KAZN: variants seen among roughly 807,000 people sequenced by gnomAD.
The protein encoded by KAZN is kazrin.
In KAZN, 40 loss-of-function variants were observed where a neutral mutation model predicts 87.4. The ratio of observed to expected loss-of-function variants is 0.46; its 90% CI spans 0.36 to 0.60. The LOEUF (loss-of-function observed/expected upper bound fraction) is 0.60, where lower values mean the gene tolerates loss of function less well. KAZN is among the 20% of genes least tolerant of loss of function. The probability of loss-of-function intolerance (pLI) is 0.00; values close to 1 mark genes in which losing one functional copy is unlikely to be tolerated. For synonymous variants in KAZN, 466 were observed against 458.3 expected (o/e 1.02, Z -0.22); for missense variants, 898 against 1,073.9 (o/e 0.84, Z 2.29).
At chr1:14,535,550 C>A (rs1672453455) in intron 2 of KAZN, among the ~76,000 whole-genome samples, 1 of 152,110 alleles carries the variant, frequency 6.6e-6, no homozygotes, top group Non-Finnish European at 1.5e-5. Context: ...CCTGTAATCC[C>A]AGCTCCTCGG....
chr1:14,496,701 C>T (rs1297308903), intron 2 of KAZN, among the ~76,000 whole-genome samples: 1 of 151,824 alleles, frequency 6.6e-6, no homozygotes, highest in Non-Finnish European at 1.5e-5. Context: ...TCTAAGAATA[C>T]TACTGGGCTC....
At chr1:13,944,841 AAAAC>A (rs1469232367) in intron 1 of KAZN, among the ~76,000 whole-genome samples, 1 of 152,226 alleles carries the variant, frequency 6.6e-6, no homozygotes, top group Non-Finnish European at 1.5e-5. Context: ...TGACAAGTAG[AAAAC>A]AAATAGTAAT....
At chr1:14,899,597 AG>A (rs1263402647) in intron 1 of KAZN, among the ~76,000 whole-genome samples, 3 of 152,182 alleles carry the variant, frequency 2.0e-5, no homozygotes, top group African/African-American at 7.2e-5. Context: ...CAATGTCCCA[AG>A]AAAGTTGAAA....
intron 1 of KAZN, among the ~76,000 whole-genome samples, chr1:14,892,413 C>A (rs531503249): frequency 4.7e-4 from 71 of 151,808 alleles, no homozygotes; most frequent in Middle Eastern, 3.4e-3. Context: ...CCCCCTCCCC[C>A]CTGCTGTCTC....
At chr1:14,069,319 C>T (rs985817598) in intron 1 of KAZN, among the ~76,000 whole-genome samples, 5 of 152,160 alleles carry the variant, frequency 3.3e-5, no homozygotes, top group East Asian at 3.9e-4. Context: ...CAGGGTTCCA[C>T]GTGAAAAGTG....
At position 14,729,625 on chromosome 1, in the gene KAZN, C is replaced by T. The variant is rs76943143; in HGVS notation, c.226+130402C>T. On this transcript the variant is annotated intron_variant, in intron 1 of 14. Transcript: ENST00000376030. ...CGAGATTCCACTGGGGAAGCGTTCA[C>T]TTTTAGAATCAGGCCAAGCTGAGGG... 3.5e-3 allele frequency among the ~76,000 whole-genome samples: 530 copies of T among 152,286 alleles called. 1 individual carries two copies. The highest frequency in any genetic ancestry group is 0.014 in the Middle Eastern group (4 of 294).
At chr1:14,307,338 T>C (rs974271302) in intron 2 of KAZN, among the ~76,000 whole-genome samples, 5 of 152,216 alleles carry the variant, frequency 3.3e-5, no homozygotes, top group Admixed American at 1.3e-4. Flanking sequence ...CATGAACTTA[T>C]TGGCTAATTA....
At chr1:15,079,012 T>C (rs1229486007) in intron 8 of KAZN, among the ~76,000 whole-genome samples, 2 of 152,220 alleles carry the variant, frequency 1.3e-5, no homozygotes, top group Non-Finnish European at 1.5e-5. Flanking sequence ...CGGGAGGCAG[T>C]TGCAAAGCTT....
intron 2 of KAZN, among the ~76,000 whole-genome samples, chr1:14,366,568 A>C (rs1287441341): frequency 6.6e-6 from 1 of 152,212 alleles, no homozygotes; most frequent in Non-Finnish European, 1.5e-5. Flanking sequence ...TGCTGCACTT[A>C]ACCCCTTGTG....
At chr1:14,042,813 CA>C (rs1211453686) in intron 1 of KAZN, among the ~76,000 whole-genome samples, 1 of 152,148 alleles carries the variant, frequency 6.6e-6, no homozygotes, top group Non-Finnish European at 1.5e-5. Flanking sequence ...AAAACTTTTG[CA>C]TGTTACTGAA....
In KAZN at chr1:14,046,865, C is replaced by T. The variant is rs74922466; in HGVS notation, c.92-133570C>T. 5.9e-3 allele frequency among the ~76,000 whole-genome samples: 899 copies of T among 152,288 alleles called. 9 individuals carry two copies. Among genetic ancestry groups the T allele is most frequent in the African/African-American group, 0.02 (840 of 41,544 alleles). On this transcript the variant is annotated intron_variant, in intron 1 of 16. Transcript: ENST00000636203. The stretch of plus-strand genomic sequence containing the variant: ...CCAATTAACTCCTGAACAAACATTA[C>T]CCAAGGAAGACATTTTGGCAGAATT...
intron 1 of KAZN, among the ~76,000 whole-genome samples, chr1:14,778,795 G>GATAAGAT (rs1436181497): frequency 6.6e-6 from 1 of 152,120 alleles, no homozygotes; most frequent in Non-Finnish European, 1.5e-5. Context: ...TATTTGCTCA[G>GATAAGAT]AATTCTGTAA....
At chr1:14,383,802 C>G (rs958400433) in intron 2 of KAZN, among the ~76,000 whole-genome samples, 89 of 152,034 alleles carry the variant, frequency 5.9e-4, no homozygotes, top group East Asian at 1.9e-4. Flanking sequence ...TATATGGGCT[C>G]TTTTTTGATT....
At chr1:13,931,787 A>G in intron 1 of KAZN, among the ~76,000 whole-genome samples, 1 of 152,190 alleles carries the variant, frequency 6.6e-6, no homozygotes, top group East Asian at 1.9e-4. Flanking sequence ...ACTCATAATT[A>G]CATTTTCTGA....
rs12132313 is a variant in KAZN at position 14,203,814 on chromosome 1, T to G, written c.249+23222T>G. 5.7e-3 allele frequency among the ~76,000 whole-genome samples: 863 copies of G among 152,292 alleles called. 10 individuals are homozygous for G. Among genetic ancestry groups the G allele is most frequent in the Non-Finnish European group, 8.1e-3 (549 of 68,026 alleles). On this transcript the variant is annotated intron_variant, in intron 2 of 16. Transcript: ENST00000636203. Reference sequence around the variant, plus strand: ...TATGGTAGGGAGAGTGAAAGAATCTTTCAGTACAATCCATTTATTTTAGTG... The same window carrying G: ...TATGGTAGGGAGAGTGAAAGAATCTGTCAGTACAATCCATTTATTTTAGTG...
chr1:14,977,036 C>A (rs563107916), intron 2 of KAZN, among the ~76,000 whole-genome samples: 1 of 152,180 alleles, frequency 6.6e-6, no homozygotes, highest in Non-Finnish European at 1.5e-5. Context: ...GCCTGGGCGA[C>A]AGTGTGAGAC....
chr1:15,036,729 C>T (rs531273822), intron 3 of KAZN, among the ~76,000 whole-genome samples: 2 of 152,208 alleles, frequency 1.3e-5, no homozygotes, highest in Admixed American at 1.3e-4. Flanking sequence ...TAGGGGACAC[C>T]GCTATCCTGT....
intron 1 of KAZN, among the ~76,000 whole-genome samples, chr1:14,110,355 C>T (rs1003980784): frequency 1.3e-5 from 2 of 152,198 alleles, no homozygotes; most frequent in African/African-American, 4.8e-5. Flanking sequence ...CATCCACATC[C>T]CACTTGCAAT....
chr1:14,413,373 G>A (rs1019686364), intron 2 of KAZN, among the ~76,000 whole-genome samples: 7 of 151,798 alleles, frequency 4.6e-5, no homozygotes, highest in African/African-American at 1.2e-4. Context: ...GGCGGATCAC[G>A]AGGTCAGGAG....
Sources: gnomAD v4.1 joint callset for allele counts (sites outside exome capture counted in the v4.1 genomes callset) on GRCh38, gnomAD v4.1.1 for gene constraint, MANE v1.5 for transcripts, NCBI Gene and HGNC (gene_info 2026-07-23, HGNC 2026-07-21) for gene names.